Variants in BMPR1B observed in about 807,000 individuals in gnomAD.
BMPR1B encodes the protein bone morphogenetic protein receptor type 1B, also known as bone morphogenetic protein receptor type-1B.
Under a neutral mutation model 59.1 loss-of-function variants are expected in BMPR1B, and 12 were observed. That is an observed-to-expected ratio of 0.20 (90% CI 0.13 to 0.33). BMPR1B has a LOEUF of 0.33. Among genes scored for constraint, BMPR1B ranks in the 10% least tolerant of loss-of-function variants. The pLI is 1.00. For missense variants in BMPR1B, 550 were observed against 610.9 expected (o/e 0.90, Z 1.05); for synonymous variants, 237 against 207.3 (o/e 1.14, Z -1.23).
intron 6 of BMPR1B, among the ~76,000 whole-genome samples, 182 bp downstream of exon 6, chr4:95,115,969 T>C (rs1731999281): frequency 6.6e-6 from 1 of 152,194 alleles, no homozygotes; most frequent in Non-Finnish European, 1.5e-5. Flanking sequence ...GGGAAAACAG[T>C]CATATGTGAC....
intron 1 of BMPR1B, among the ~76,000 whole-genome samples, chr4:94,830,804 C>T (rs1724554445): frequency 1.3e-5 from 2 of 152,112 alleles, no homozygotes; most frequent in Non-Finnish European, 2.9e-5. Context: ...CATCGTAACG[C>T]CATAGCACGA....
intron 1 of BMPR1B, among the ~76,000 whole-genome samples, chr4:94,777,493 C>T (rs1722419919): frequency 6.6e-6 from 1 of 151,908 alleles, no homozygotes; most frequent in Non-Finnish European, 1.5e-5. Context: ...TATTATGGTT[C>T]TGAGTTTTAC....
intron 2 of BMPR1B, among the ~76,000 whole-genome samples, chr4:94,994,916 A>G (rs1363257806): frequency 2.0e-5 from 3 of 152,204 alleles, no homozygotes; most frequent in Non-Finnish European, 4.4e-5. Context: ...CAAAGTTGCC[A>G]TGTGACCCTG....
At chr4:94,959,164 G>A (rs1730265388) in intron 2 of BMPR1B, among the ~76,000 whole-genome samples, 1 of 152,080 alleles carries the variant, frequency 6.6e-6, no homozygotes, top group Non-Finnish European at 1.5e-5. Context: ...GGAGGGGGAC[G>A]CAGAAAGAAT....
chr4:94,872,123 G>T (rs1392875074), intron 1 of BMPR1B, among the ~76,000 whole-genome samples: 1 of 152,138 alleles, frequency 6.6e-6, no homozygotes, highest in Non-Finnish European at 1.5e-5. Context: ...TGACATCCAG[G>T]CAGTGAGGTC....
chr4:94,937,107 T>TAA (rs1353098688), intron 2 of BMPR1B, among the ~76,000 whole-genome samples: 2 of 152,204 alleles, frequency 1.3e-5, no homozygotes, highest in Non-Finnish European at 2.9e-5. Flanking sequence ...TACCTGTACT[T>TAA]ACAGCCTATG....
chr4:94,941,811 T>C lies in BMPR1B; in HGVS notation c.-112-54229T>C, dbSNP rs559806648. ...CTCTCAGTAAACTTAAAATTATTGA[T>C]GCTGAGAAGTGTGCAGTGAAAGTTA... On this transcript the variant is annotated intron_variant, in intron 2 of 12. Transcript: ENST00000515059. Among the ~76,000 whole-genome samples, 5 of 152,334 alleles carry C rather than the reference T, an allele frequency of 3.3e-5. No individual in the cohort carries two copies. The South Asian group carries it at 1.0e-3, about 32-fold the overall frequency.
At chr4:95,069,734 A>C (rs1179448282) in intron 3 of BMPR1B, among the ~76,000 whole-genome samples, 1 of 152,192 alleles carries the variant, frequency 6.6e-6, no homozygotes, top group Non-Finnish European at 1.5e-5. Context: ...CCTTGGGCCT[A>C]GAACAGAGCC....
At chr4:94,890,760 T>C (rs186257726) in intron 2 of BMPR1B, among the ~76,000 whole-genome samples, 203 of 152,164 alleles carry the variant, frequency 1.3e-3, no homozygotes, top group South Asian at 2.9e-3. Context: ...GCATGCTCTC[T>C]GGTGGCTCTT....
chr4:94,905,125 A>G (rs1256448414), intron 2 of BMPR1B, among the ~76,000 whole-genome samples: 1 of 151,996 alleles, frequency 6.6e-6, no homozygotes, highest in Admixed American at 6.6e-5. Context: ...GATGGGGAAA[A>G]TTTTCTTTTA....
In BMPR1B at chr4:94,899,869, T is replaced by C. The variant is rs536886860; in HGVS notation, c.-113+23969T>C. ...ATAAATACTGTTGATGTCAACTAAG[T>C]TTCCCTGTTCGCCCACACATGGTAC... On this transcript the variant is annotated intron_variant, in intron 2 of 12. Coordinates refer to ENST00000515059, the MANE Select transcript of BMPR1B (RefSeq NM_001203.3). 1.1e-4 allele frequency among the ~76,000 whole-genome samples: 16 copies of C among 152,144 alleles called. No homozygotes were observed. In the South Asian group the frequency reaches 3.3e-3, roughly 32 times the overall value.
chr4:94,892,821 A>G (rs1038525408), intron 2 of BMPR1B, among the ~76,000 whole-genome samples: 2 of 152,042 alleles, frequency 1.3e-5, no homozygotes, highest in Admixed American at 6.6e-5. Context: ...TAAGCTTCCA[A>G]CTCAAGTTTT....
At chr4:95,068,368 G>T (rs984977598) in intron 3 of BMPR1B, among the ~76,000 whole-genome samples, 1 of 152,076 alleles carries the variant, frequency 6.6e-6, no homozygotes, top group Non-Finnish European at 1.5e-5. Context: ...TCTACATTGG[G>T]CATCTGTGTG....
chr4:94,945,522 AC>A (rs528472508), intron 2 of BMPR1B, among the ~76,000 whole-genome samples: 2 of 152,182 alleles, frequency 1.3e-5, no homozygotes, highest in South Asian at 4.1e-4. Context: ...GCAACCTCTA[AC>A]CCTGGCTCAA....
At chr4:95,040,130 A>C (rs906150342) in intron 3 of BMPR1B, among the ~76,000 whole-genome samples, 8 of 152,160 alleles carry the variant, frequency 5.3e-5, no homozygotes, top group Non-Finnish European at 1.2e-4. Context: ...GGTATACAAG[A>C]ACAAAATTTT....
intron 3 of BMPR1B, among the ~76,000 whole-genome samples, chr4:95,024,492 G>A (rs921398836): frequency 6.6e-6 from 1 of 152,130 alleles, no homozygotes; most frequent in Non-Finnish European, 1.5e-5. Flanking sequence ...TGTAACCCAT[G>A]GCATCTGTTG....
At chr4:95,088,513 C>T (rs1729755700) in intron 3 of BMPR1B, among the ~76,000 whole-genome samples, 1 of 151,978 alleles carries the variant, frequency 6.6e-6, no homozygotes, top group Non-Finnish European at 1.5e-5. Flanking sequence ...ATATAATGAT[C>T]CTAGAGGGAT....
At chr4:94,950,727 T>A (rs1729900964) in intron 2 of BMPR1B, among the ~76,000 whole-genome samples, 1 of 152,202 alleles carries the variant, frequency 6.6e-6, no homozygotes, top group African/African-American at 2.4e-5. Flanking sequence ...GGTAGCATGA[T>A]GCCTCCAGTT....
chr4:94,783,852 C>A (rs1722670469), intron 1 of BMPR1B, among the ~76,000 whole-genome samples: 1 of 152,134 alleles, frequency 6.6e-6, no homozygotes, highest in African/African-American at 2.4e-5. Context: ...TAGTTTAGAG[C>A]TGGGGGGATG....
Sources: gnomAD v4.1 joint callset for allele counts (sites outside exome capture counted in the v4.1 genomes callset) on GRCh38, gnomAD v4.1.1 for gene constraint, MANE v1.5 for transcripts, NCBI Gene and HGNC (gene_info 2026-07-23, HGNC 2026-07-21) for gene names.